FAM120C: variants seen among roughly 807,000 people sequenced by gnomAD.
FAM120C encodes constitutive coactivator of PPAR-gamma-like protein 2.
Under a neutral mutation model 71.2 loss-of-function variants are expected in FAM120C, and 14 were observed. That is an observed-to-expected ratio of 0.20 (90% CI 0.13 to 0.31). The LOEUF (loss-of-function observed/expected upper bound fraction) is 0.31, where lower values mean the gene tolerates loss of function less well. FAM120C is among the 10% of genes least tolerant of loss of function. The pLI is 1.00. For missense variants in FAM120C, 500 were observed against 879.0 expected (o/e 0.57, Z 5.45); for synonymous variants, 354 against 353.2 (o/e 1.00, Z -0.03).
intron 13 of FAM120C, among the ~76,000 whole-genome samples, chrX:54,082,187 C>CAA (rs781909786): frequency 2.4e-4 from 9 of 38,195 alleles, no homozygotes; most frequent in East Asian, 9.0e-4. Flanking sequence ...GACTCTGTCT[C>CAA]AAAAAAAAAA....
intron 1 of FAM120C, among the ~76,000 whole-genome samples, chrX:54,174,490 C>A (rs1282957332): frequency 1.8e-5 from 2 of 111,873 alleles, no homozygotes; most frequent in African/African-American, 6.5e-5. Context: ...AAGGGGTCAA[C>A]CAGTATTGCC....
chrX:54,105,803 T>C (rs1206463288), intron 10 of FAM120C, among the ~76,000 whole-genome samples: 1 of 111,600 alleles, frequency 9.0e-6, no homozygotes, highest in Non-Finnish European at 1.9e-5. Context: ...GAACTCCCAT[T>C]CACAACTGCT....
At chrX:54,129,054 A>G (rs2067044844) in intron 9 of FAM120C, among the ~76,000 whole-genome samples, 1 of 104,810 alleles carries the variant, frequency 9.5e-6, no homozygotes, top group Admixed American at 1.0e-4. Flanking sequence ...GCGGCCGGGC[A>G]GAGGCGCCCC....
chrX:54,147,478 G>A (rs2067163184), intron 4 of FAM120C: 1 of 111,127 alleles, frequency 9.0e-6, no homozygotes, highest in African/African-American at 3.3e-5. Flanking sequence ...GGCAAATGTC[G>A]TTACCCTCCC....
At chrX:54,181,331 G>T (rs1342663025) in intron 1 of FAM120C, among the ~76,000 whole-genome samples, 1 of 110,889 alleles carries the variant, frequency 9.0e-6, no homozygotes, top group Non-Finnish European at 1.9e-5. Context: ...TAGGTTTGCG[G>T]TTTCTTTCTA....
At chrX:54,083,554 G>A (rs1201153022) in intron 13 of FAM120C, among the ~76,000 whole-genome samples, 1 of 108,858 alleles carries the variant, frequency 9.2e-6, no homozygotes, top group African/African-American at 3.3e-5. Context: ...CGAATCACTT[G>A]AGCCCAGGAA....
intron 6 of FAM120C, 99 bp from the exon 7 acceptor site, chrX:54,135,210 A>C: frequency 1.3e-6 from 1 of 798,731 alleles, no homozygotes; most frequent in Non-Finnish European, 1.8e-6. Context: ...CCAGCAGTGG[A>C]GATTGTTGAG....
At chrX:54,123,923 G>C (rs1334221614) in intron 9 of FAM120C, among the ~76,000 whole-genome samples, 4 of 92,034 alleles carry the variant, frequency 4.3e-5, no homozygotes, top group Non-Finnish European at 6.5e-5. Flanking sequence ...CTGTTTGTTA[G>C]TTTTCCTTCT....
intron 6 of FAM120C, 106 bp from the exon 7 acceptor site, chrX:54,135,217 T>C (rs193123732): frequency 1.3e-6 from 1 of 794,390 alleles, no homozygotes; most frequent in African/African-American, 2.1e-5. Flanking sequence ...TGGAGATTGT[T>C]GAGATACAAA....
At chrX:54,124,830 T>C (rs1287868227) in intron 9 of FAM120C, among the ~76,000 whole-genome samples, 1 of 112,496 alleles carries the variant, frequency 8.9e-6, no homozygotes, top group Non-Finnish European at 1.9e-5. Context: ...ATGTATATCT[T>C]CTTCAGTGAA....
At chrX:54,127,449 G>A (rs2067033412) in intron 9 of FAM120C, among the ~76,000 whole-genome samples, 1 of 107,372 alleles carries the variant, frequency 9.3e-6, no homozygotes, top group East Asian at 3.0e-4. Context: ...AAATTAGCCG[G>A]GCCTGGTGGT....
At chrX:54,174,091 C>T in intron 1 of FAM120C, 1 of 512,546 alleles carries the variant, frequency 2.0e-6, no homozygotes. Flanking sequence ...GGAGGCTTCC[C>T]TCAGTTTCTT....
At chrX:54,125,255 A>T (rs1266730238) in intron 9 of FAM120C, among the ~76,000 whole-genome samples, 1 of 109,384 alleles carries the variant, frequency 9.1e-6, no homozygotes, top group Non-Finnish European at 1.9e-5. Flanking sequence ...CTATTTCTGG[A>T]TGCCCTGTTG....
intron 1 of FAM120C, among the ~76,000 whole-genome samples, chrX:54,160,405 C>T (rs925676871): frequency 4.5e-5 from 5 of 111,011 alleles, no homozygotes; most frequent in African/African-American, 1.3e-4. Context: ...GATTGGCTGC[C>T]CCCAAAGTTG....
At chrX:54,098,523 G>A (rs2066865934) in intron 10 of FAM120C, among the ~76,000 whole-genome samples, 2 of 111,901 alleles carry the variant, frequency 1.8e-5, no homozygotes, top group Non-Finnish European at 3.8e-5. Flanking sequence ...TATAGCAACT[G>A]AATGGGTGTT....
chrX:54,177,636 G>A (rs1489487603), intron 1 of FAM120C, among the ~76,000 whole-genome samples: 2 of 111,533 alleles, frequency 1.8e-5, no homozygotes, highest in African/African-American at 6.5e-5. Flanking sequence ...ACATCAAGTA[G>A]TAGAGAGCTG....
chrX:54,155,868 C>G (rs1426452557), intron 3 of FAM120C, among the ~76,000 whole-genome samples: 1 of 110,626 alleles, frequency 9.0e-6, no homozygotes, highest in Admixed American at 9.7e-5. Context: ...GGATTGATCA[C>G]TTGAGCTATG....
chrX:54,139,267 C>A (rs1324834159), intron 4 of FAM120C, among the ~76,000 whole-genome samples: 1 of 110,766 alleles, frequency 9.0e-6, no homozygotes, highest in Non-Finnish European at 1.9e-5. Context: ...GTATTCTCTA[C>A]AAATAAAAAA....
At chrX:54,089,268 A>T (rs1279792145) in intron 11 of FAM120C, among the ~76,000 whole-genome samples, 20 of 111,767 alleles carry the variant, frequency 1.8e-4, no homozygotes, top group African/African-American at 6.5e-4. Flanking sequence ...AAACTACAAT[A>T]TATAATTACA....
Sources: allele counts gnomAD v4.1 joint callset (sites outside exome capture counted in the v4.1 genomes callset), GRCh38; gene constraint gnomAD v4.1.1; transcripts MANE v1.5; gene names NCBI Gene and HGNC (gene_info 2026-07-23, HGNC 2026-07-21).